The following ASB16 variants were observed in gnomAD, a reference collection of about 807,000 sequenced individuals.
The protein encoded by ASB16 is ankyrin repeat and SOCS box containing 16.
A neutral mutation model predicts 39.1 loss-of-function variants in ASB16; 44 were observed. That is an observed-to-expected ratio of 1.13 (90% CI 0.88 to 1.45). ASB16 has a LOEUF of 1.45. Ranked by LOEUF, ASB16 falls within the 40% of genes most tolerant of loss-of-function variation. ASB16 has a pLI of 0.00. For missense variants in ASB16, 698 were observed against 634.5 expected (o/e 1.10, Z -1.07); for synonymous variants, 305 against 286.7 (o/e 1.06, Z -0.64).
chr17:44,173,318 G>A (rs1462814564), intron 2 of ASB16, among the ~76,000 whole-genome samples: 11 of 135,624 alleles, frequency 8.1e-5, no homozygotes, highest in East Asian at 2.3e-4. Flanking sequence ...GCTTGAACCC[G>A]GGATGCAGAG....
At position 44,176,806 on chromosome 17, in the gene ASB16, C is replaced by T. The variant is rs759755472; in HGVS notation, c.638C>T (p.Pro213Leu). ...GCAGCAGGCGAGAGCCAGGAGACGC[C>T]CCTGCACGTGGCGGCGGCGCGCGGC... Reference protein sequence around the residue: ...NLAAGESQETPLHVAAARGLE... With the variant: ...NLAAGESQETLLHVAAARGLE... The change falls in exon 3 of 5, where the codon CCC becomes CTC. Residue 213 changes from proline to leucine, a missense_variant. By Grantham distance (98) the Pro-to-Leu change is moderately conservative. Coordinates refer to ENST00000293414, the MANE Select transcript of ASB16 (RefSeq NM_080863.5). 9 of 1,613,074 alleles carry T rather than the reference C, an allele frequency of 5.6e-6. 1 individual carries two copies. The Admixed American group carries it at 1.2e-4, about 21-fold the overall frequency.
intron 2 of ASB16, among the ~76,000 whole-genome samples, chr17:44,173,909 T>C (rs2054264080): frequency 6.6e-6 from 1 of 152,094 alleles, no homozygotes; most frequent in Non-Finnish European, 1.5e-5. Context: ...CTCACTCTGT[T>C]GCCCAGGCTG....
rs1157730462 is a variant in ASB16 at position 44,174,037 on chromosome 17, AT to A, written c.569+1744del. Among the ~76,000 whole-genome samples, 735 of 114,696 alleles carry A rather than the reference AT, an allele frequency of 6.4e-3. 9 individuals carry two copies. The highest frequency in any genetic ancestry group is 0.018 in the African/African-American group (513 of 28,794). The allele number at this position is 114,696 out of a possible 152,430, so 75.2% of individuals were successfully genotyped here. The stretch of plus-strand genomic sequence containing the variant: ...CAGGCCAGTGCTACCACACCTGGCT[AT>A]TTTTTTTTTTTTTTTTTTTGAGACG... On this transcript the variant is annotated intron_variant, in intron 2 of 4. Transcript: ENST00000293414.
Position 44,176,943 on chromosome 17 carries a change from A to G in ASB16, c.775A>G (p.Ser259Gly). Residue 259 changes from serine to glycine, a missense_variant, in exon 3 of 5, where the codon AGC becomes GGC. By Grantham distance (56) the Ser-to-Gly change is moderately conservative (BLOSUM62 0). Transcript: ENST00000293414. ...TACAGAEGPG[S>G]CRRHQAAARR... is the part of the protein sequence containing the mutation. ...GTGCGCTGGGGCCGAGGGCCCAGGT[A>G]GCTGCAGGCGACACCAGGCTGCGGC... 14 of 1,519,668 alleles carry G rather than the reference A, an allele frequency of 9.2e-6. No homozygotes were observed. The highest frequency in any genetic ancestry group is 1.2e-5 in the Non-Finnish European group (14 of 1,144,522). 94.1% of individuals were successfully genotyped at this position (1,519,668 alleles called of 1,614,324 possible).
chr17:44,176,951 G>C lies in ASB16; in HGVS notation c.783G>C (p.Arg261Ser), dbSNP rs1444742063. Residue 261 changes from arginine (R) to serine (S), a missense_variant, in exon 3 of 5, where the codon AGG becomes AGC. By Grantham distance (110) the Arg-to-Ser change is moderately radical (BLOSUM62 -1). Transcript: ENST00000293414. ...CAGAEGPGSC[R>S]RHQAAARRLL... is the part of the protein sequence containing the mutation. ...GGGCCGAGGGCCCAGGTAGCTGCAG[G>C]CGACACCAGGCTGCGGCGCGCCGGC... is the stretch of plus-strand genomic sequence containing the variant. 3 of 1,501,736 alleles carry C rather than the reference G, an allele frequency of 2.0e-6. No individual in the cohort carries two copies. Among genetic ancestry groups the C allele is most frequent in the Non-Finnish European group, 2.6e-6 (3 of 1,138,300 alleles). 93.0% of individuals were successfully genotyped at this position (1,501,736 alleles called of 1,614,324 possible).
chr17:44,177,163 CCAA>C lies in ASB16; in HGVS notation c.997_999del (p.Asn333del), dbSNP rs1317886373. On this transcript the variant is annotated inframe_deletion, in exon 3 of 5. Transcript: ENST00000293414. Reference sequence around the variant, plus strand: ...GCGCTGCAGGCCGTCCAGGACTCCCCCAACTGGGAGCCTGAAGTCCTTTTCGCC... The same window carrying C: ...GCGCTGCAGGCCGTCCAGGACTCCCCCTGGGAGCCTGAAGTCCTTTTCGCC... 40 of 1,529,478 alleles carry C rather than the reference CCAA, an allele frequency of 2.6e-5. No homozygotes were observed. The highest frequency in any genetic ancestry group is 3.3e-5 in the Non-Finnish European group (38 of 1,140,046). The allele number at this position is 1,529,478 out of a possible 1,614,324, so 94.7% of individuals were successfully genotyped here.
intron 2 of ASB16, among the ~76,000 whole-genome samples, chr17:44,173,681 C>T (rs557730477): frequency 1.3e-5 from 2 of 151,788 alleles, no homozygotes; most frequent in African/African-American, 2.4e-5. Flanking sequence ...TAAAATTAGC[C>T]GGGCATGGTG....
chr17:44,176,378 A>T, intron 2 of ASB16: 1 of 272,428 alleles, frequency 3.7e-6, no homozygotes, highest in Non-Finnish European at 6.9e-6. Context: ...AAAAAAAAGG[A>T]GACAACTGAC....
Position 44,177,161 on chromosome 17 carries a change from C to A in ASB16, c.993C>A (p.Ser331=), listed in dbSNP as rs1457661192. The part of the protein sequence containing the change: ...MDCALQAVQD[S]PNWEPEVLFA... ...GTGCGCTGCAGGCCGTCCAGGACTC[C>A]CCCAACTGGGAGCCTGAAGTCCTTT... Residue 331 remains serine (S), a synonymous_variant, in exon 3 of 5, where the codon TCC becomes TCA. Transcript: ENST00000293414. 6.5e-7 allele frequency: 1 copy of A among 1,528,906 alleles called. No individual in the cohort carries two copies. The highest frequency in any genetic ancestry group is 8.8e-7 in the Non-Finnish European group (1 of 1,139,790). The allele number at this position is 1,528,906 out of a possible 1,614,324, so 94.7% of individuals were successfully genotyped here.
intron 2 of ASB16, among the ~76,000 whole-genome samples, chr17:44,173,743 C>T (rs1217422147): frequency 6.6e-6 from 1 of 152,098 alleles, no homozygotes; most frequent in East Asian, 1.9e-4. Context: ...CCCAAGAGGT[C>T]TAGGCTTCAG....
chr17:44,177,268 G>C (rs771006525), intron 3 of ASB16, 38 bp downstream of exon 3: 7 of 1,493,912 alleles, frequency 4.7e-6, no homozygotes, highest in South Asian at 2.6e-5. Context: ...GCTCCTGTGT[G>C]GGGGAGCCCG....
chr17:44,178,339 C>T lies in ASB16; in HGVS notation c.1311C>T (p.Pro437=). The T allele has an allele frequency of 1.2e-6, 2 of 1,611,522 alleles. No individual in the cohort carries two copies. Among genetic ancestry groups the T allele is most frequent in the Non-Finnish European group, 1.7e-6 (2 of 1,179,046 alleles). The change falls in exon 5 of 5, where the codon CCC becomes CCT. Residue 437 remains proline (P), a synonymous_variant. Coordinates refer to ENST00000293414, the MANE Select transcript of ASB16 (RefSeq NM_080863.5). ...AGGGTGCCACCCGGCTGCCACTGCCCCCGCTCCTCAGGGACTACCTGCTGC... is the reference window on the plus strand; with the variant it reads ...AGGGTGCCACCCGGCTGCCACTGCCTCCGCTCCTCAGGGACTACCTGCTGC... ...CRQGATRLPL[P]PLLRDYLLLR...
Position 44,170,878 on chromosome 17 carries a change from G to C in ASB16, c.89G>C (p.Arg30Pro), listed in dbSNP as rs764575988. 6.2e-7 allele frequency: 1 copy of C among 1,611,284 alleles called. No homozygotes were observed. Among genetic ancestry groups the C allele is most frequent in the African/African-American group, 1.3e-5 (1 of 74,876 alleles). The change falls in exon 1 of 5, where the codon CGG becomes CCG. Residue 30 changes from arginine to proline, a missense_variant. Coordinates refer to ENST00000293414, the MANE Select transcript of ASB16 (RefSeq NM_080863.5). ...TGGCTGGAATGGGAGGACCGGCGGC[G>C]GGCGGCTGCCCAGCAGTGCCGGAGC... ...QEWLEWEDRRRAAAQQCRSRR... is the reference protein window; with the variant it reads ...QEWLEWEDRRPAAAQQCRSRR...
At chr17:44,173,010 G>T (rs12947939) in intron 2 of ASB16, among the ~76,000 whole-genome samples, 57,449 of 145,162 alleles carry the variant, frequency 0.4, 12,902 homozygotes, top group East Asian at 0.72. Flanking sequence ...CGAGGCACAA[G>T]AATCGCTTGA....
chr17:44,171,771 T>C (rs1022388698), intron 1 of ASB16, among the ~76,000 whole-genome samples: 3 of 152,160 alleles, frequency 2.0e-5, no homozygotes, highest in African/African-American at 4.8e-5. Flanking sequence ...CTCTACTTAG[T>C]TGGCCCCTGT....
chr17:44,170,732 G>A lies in ASB16; in HGVS notation c.-58G>A, dbSNP rs375392717. On this transcript the variant is annotated 5_prime_UTR_variant, in exon 1 of 5. Coordinates refer to ENST00000293414, the MANE Select transcript of ASB16 (RefSeq NM_080863.5). ...GCTCCTCAGAGCAAGGGAGGTAGTC[G>A]GGTCGAGGGAACCTGGCTCTGCCCA... The A allele has an allele frequency of 3.3e-6, 5 of 1,514,958 alleles. No individual in the cohort carries two copies. The highest frequency in any genetic ancestry group is 2.8e-5 in the African/African-American group (2 of 71,952). 93.8% of individuals were successfully genotyped at this position (1,514,958 alleles called of 1,614,324 possible). A position where few individuals can be genotyped will look rare whatever the true frequency, so the allele number is the denominator to read the frequency against.
intron 1 of ASB16, 133 bp from the exon 2 acceptor site, chr17:44,171,913 G>C: frequency 1.1e-6 from 1 of 894,950 alleles, no homozygotes; most frequent in South Asian, 1.7e-5. Flanking sequence ...CACAGGTACA[G>C]CCTGGCAGTG....
At chr17:44,173,531 C>T (rs2054260212) in intron 2 of ASB16, among the ~76,000 whole-genome samples, 1 of 147,126 alleles carries the variant, frequency 6.8e-6, no homozygotes, top group Non-Finnish European at 1.5e-5. Context: ...TTTGTCTCTA[C>T]TAAAAATAAA....
chr17:44,177,511 C>G, intron 3 of ASB16, 98 bp from the exon 4 acceptor site: 1 of 1,457,016 alleles, frequency 6.9e-7, no homozygotes, highest in South Asian at 1.3e-5. Context: ...ACCTTAGCCC[C>G]CCAGATTAGG....
Sources: allele counts gnomAD v4.1 joint callset (sites outside exome capture counted in the v4.1 genomes callset), GRCh38; gene constraint gnomAD v4.1.1; transcripts MANE v1.5; gene names NCBI Gene and HGNC (gene_info 2026-07-23, HGNC 2026-07-21).